RASSF6: variants seen among roughly 807,000 people sequenced by gnomAD.
RASSF6 encodes ras association domain-containing protein 6.
In RASSF6, 52 loss-of-function variants were observed where a neutral mutation model predicts 44.0. The observed-to-expected ratio is 1.18, with a 90% CI of 0.95 to 1.49. RASSF6 has a LOEUF of 1.49. RASSF6 is among the 40% of genes most tolerant of loss of function. RASSF6 has a pLI of 0.00. For synonymous variants in RASSF6, 162 were observed against 124.6 expected, an observed-to-expected ratio of 1.30 and a Z score of -2.00; for missense variants, 464 against 393.3, an observed-to-expected ratio of 1.18 and a Z score of -1.52.
At chr4:73,578,590 G>A (rs911463010) in intron 8 of RASSF6, among the ~76,000 whole-genome samples, 1 of 151,258 alleles carries the variant, frequency 6.6e-6, no homozygotes, top group African/African-American at 2.4e-5. Flanking sequence ...TAATCATATC[G>A]TGCTTGCTAT....
intron 3 of RASSF6, among the ~76,000 whole-genome samples, chr4:73,596,617 A>G (rs1724958761): frequency 6.6e-6 from 1 of 152,232 alleles, no homozygotes; most frequent in Admixed American, 6.5e-5. Context: ...CAGAAATAGA[A>G]AAAACTATTT....
chr4:73,582,351 C>A, intron 6 of RASSF6, 61 bp from the exon 7 acceptor site: 1 of 797,280 alleles, frequency 1.3e-6, no homozygotes, highest in South Asian at 2.3e-5. Flanking sequence ...TATTCAATAT[C>A]TTGAACATAA....
intron 3 of RASSF6, among the ~76,000 whole-genome samples, chr4:73,595,413 G>A (rs984945146): frequency 6.6e-6 from 1 of 152,020 alleles, no homozygotes; most frequent in Admixed American, 6.6e-5. Context: ...TGGCCAGGCT[G>A]GTCTCGAACT....
At chr4:73,620,152 A>T (rs1423664970) in intron 1 of RASSF6, 136 bp downstream of exon 1, 2 of 452,492 alleles carry the variant, frequency 4.4e-6, no homozygotes, top group East Asian at 8.6e-5. Flanking sequence ...AGGAAAAGGC[A>T]TGTGTGCGAT....
At chr4:73,620,498 C>A, upstream of RASSF6, 1 of 1,543,916 alleles carries the variant, frequency 6.5e-7, no homozygotes, top group Non-Finnish European at 8.7e-7. Context: ...CCTCCCAGAG[C>A]ATGGCTCAGC....
intron 2 of RASSF6, among the ~76,000 whole-genome samples, chr4:73,606,758 T>C (rs1454645535): frequency 6.6e-6 from 1 of 152,130 alleles, no homozygotes; most frequent in East Asian, 1.9e-4. Context: ...TATGAACAGA[T>C]AGGGACTTCT....
intron 1 of RASSF6, among the ~76,000 whole-genome samples, chr4:73,619,009 T>C (rs1165231712): frequency 6.6e-6 from 1 of 152,178 alleles, no homozygotes; most frequent in African/African-American, 2.4e-5. Context: ...ATACAAGTAT[T>C]ATTCCTTCAT....
intron 2 of RASSF6, among the ~76,000 whole-genome samples, chr4:73,599,866 C>T (rs1305696566): frequency 6.6e-6 from 1 of 152,072 alleles, no homozygotes; most frequent in African/African-American, 2.4e-5. Context: ...TCTTCTGTTA[C>T]CTCTTTCATC....
Position 73,613,574 on chromosome 4 carries a change from A to G in RASSF6, c.-34-1745T>C, listed in dbSNP as rs570598914. Among the ~76,000 whole-genome samples, 6 of 152,106 alleles carry G rather than the reference A, an allele frequency of 3.9e-5. No individual in the cohort carries two copies. In the East Asian group the frequency reaches 1.2e-3, roughly 29 times the overall value. The stretch of plus-strand genomic sequence containing the variant: ...TCTTCCTCCTGGGTCCAGATTATTT[A>G]TCATATATTCCTTTAATTTAGCCCT... On this transcript the variant is annotated intron_variant, in intron 1 of 10. Transcript: ENST00000307439.
chr4:73,614,383 G>A (rs1488377515), intron 1 of RASSF6, among the ~76,000 whole-genome samples: 1 of 152,202 alleles, frequency 6.6e-6, no homozygotes, highest in Non-Finnish European at 1.5e-5. Flanking sequence ...ATTAGTTCAT[G>A]ATGGTGGAGA....
At chr4:73,618,518 G>T (rs1726512634) in intron 1 of RASSF6, among the ~76,000 whole-genome samples, 1 of 151,962 alleles carries the variant, frequency 6.6e-6, no homozygotes, top group South Asian at 2.1e-4. Context: ...CAGCATAAAA[G>T]CATATTTCCT....
chr4:73,616,377 T>A (rs1414323156), intron 1 of RASSF6, among the ~76,000 whole-genome samples: 2 of 152,174 alleles, frequency 1.3e-5, no homozygotes, highest in East Asian at 3.8e-4. Flanking sequence ...TACTTACTGC[T>A]TTCTCTCTCT....
intron 2 of RASSF6, among the ~76,000 whole-genome samples, chr4:73,607,170 A>G (rs2149393296): frequency 6.6e-6 from 1 of 152,342 alleles, no homozygotes; most frequent in African/African-American, 2.4e-5. Context: ...GAATGTATCT[A>G]ATCATATCAT....
rs1051200173 is a variant in RASSF6, at chr4:73,571,637, A to T, written c.*4598T>A. On this transcript the variant is annotated 3_prime_UTR_variant, in exon 11 of 11. Coordinates refer to ENST00000307439, the MANE Select transcript of RASSF6 (RefSeq NM_177532.5). ...TACATATGGGGAATTTTATAAAAAT[A>T]TTTCAGATAATTCCTTCACTCATTC... The T allele has an allele frequency of 6.6e-5, 10 of 152,074 alleles. No individual in the cohort carries two copies. Among genetic ancestry groups the T allele is most frequent in the Admixed American group, 2.6e-4 (4 of 15,254 alleles). 9.4% of individuals were successfully genotyped at this position (152,074 alleles called of 1,614,324 possible).
chr4:73,620,528 CG>C, upstream of RASSF6: 1 of 1,480,368 alleles, frequency 6.8e-7, no homozygotes, highest in East Asian at 2.5e-5. Context: ...GCAGTGCCCC[CG>C]ACGCGATCAG....
chr4:73,602,299 C>A (rs950487682), intron 2 of RASSF6, among the ~76,000 whole-genome samples: 1 of 152,114 alleles, frequency 6.6e-6, no homozygotes, highest in Non-Finnish European at 1.5e-5. Flanking sequence ...GATTTCAGTA[C>A]GAGACAAGAT....
At position 73,576,601 on chromosome 4, in the gene RASSF6, T is replaced by C. The variant is rs1723244796; in HGVS notation, c.840+12A>G. 4 of 1,592,286 alleles carry C rather than the reference T, an allele frequency of 2.5e-6. No individual in the cohort carries two copies. Among genetic ancestry groups the C allele is most frequent in the Non-Finnish European group, 3.4e-6 (4 of 1,161,174 alleles). ...GAAGCAAAAAACAGATTCAGGGTGA[T>C]GGTATTCATACATCACTGCTAATTT... is the stretch of plus-strand genomic sequence containing the variant. On this transcript the variant is annotated intron_variant, in intron 9 of 10. Coordinates refer to ENST00000307439, the MANE Select transcript of RASSF6 (RefSeq NM_177532.5).
At chr4:73,615,122 T>C (rs1424437458) in intron 1 of RASSF6, among the ~76,000 whole-genome samples, 1 of 127,768 alleles carries the variant, frequency 7.8e-6, no homozygotes, top group Non-Finnish European at 1.6e-5. Context: ...GAGGTTGCAG[T>C]GAGCCAAGAT....
chr4:73,583,997 T>C (rs1040754850), intron 6 of RASSF6, among the ~76,000 whole-genome samples: 2 of 152,104 alleles, frequency 1.3e-5, no homozygotes, highest in African/African-American at 4.8e-5. Context: ...GTGGCTTTCC[T>C]TCTTCAACAC....
Sources: gnomAD v4.1 joint callset for allele counts (sites outside exome capture counted in the v4.1 genomes callset) on GRCh38, gnomAD v4.1.1 for gene constraint, MANE v1.5 for transcripts, NCBI Gene and HGNC (gene_info 2026-07-23, HGNC 2026-07-21) for gene names.